FMN1: variants seen among roughly 807,000 people sequenced by gnomAD.
The protein encoded by FMN1 is formin 1, also known as formin-1.
Under a neutral mutation model 132.4 loss-of-function variants are expected in FMN1, and 110 were observed. The observed-to-expected ratio is 0.83, with a 90% CI of 0.71 to 0.97. FMN1 has a LOEUF of 0.97. FMN1 is among the 50% of genes least tolerant of loss of function. FMN1 has a pLI of 0.00. For synonymous variants in FMN1, 722 were observed against 651.7 expected (o/e 1.11, Z -1.64); for missense variants, 1,792 against 1,705.3 (o/e 1.05, Z -0.90).
Position 32,879,732 on chromosome 15 carries a change from A to T in FMN1, c.3835+8440T>A, listed in dbSNP as rs74217486. ...GGCAAAGTGCATGGTTTATCATGTG[A>T]TAAGAGGCAGAATTAACTTTAAACT... On this transcript the variant is annotated intron_variant, in intron 16 of 20. Transcript: ENST00000616417. Among the ~76,000 whole-genome samples, 153 of 152,196 alleles carry T rather than the reference A, an allele frequency of 1.0e-3. 2 individuals carry two copies. In the East Asian group the frequency reaches 0.028, roughly 28 times the overall value.
At chr15:32,982,273 C>T (rs966864446) in intron 7 of FMN1, among the ~76,000 whole-genome samples, 1 of 152,116 alleles carries the variant, frequency 6.6e-6, no homozygotes, top group Admixed American at 6.5e-5. Context: ...ATACCAAATG[C>T]TAGTGAGAAT....
intron 3 of FMN1, among the ~76,000 whole-genome samples, chr15:33,176,964 C>T (rs774865845): frequency 1.3e-5 from 2 of 152,226 alleles, no homozygotes; most frequent in African/African-American, 4.8e-5. Flanking sequence ...GATGAAGGAA[C>T]AGTCTATGCC....
intron 19 of FMN1, among the ~76,000 whole-genome samples, chr15:32,793,889 T>C (rs1433527051): frequency 1.3e-5 from 2 of 152,204 alleles, no homozygotes; most frequent in Non-Finnish European, 1.5e-5. Flanking sequence ...ATTTTATTTA[T>C]GGAGCTTTTT....
chr15:33,025,752 A>AGGCTC (rs2035634990), intron 6 of FMN1, among the ~76,000 whole-genome samples: 1 of 152,228 alleles, frequency 6.6e-6, no homozygotes, highest in African/African-American at 2.4e-5. Context: ...ATACAGAATG[A>AGGCTC]CACAGATAAG....
intron 9 of FMN1, among the ~76,000 whole-genome samples, chr15:32,949,972 T>C (rs866545123): frequency 1.6e-4 from 7 of 43,238 alleles, no homozygotes; most frequent in South Asian, 1.3e-3. Context: ...TATACACACA[T>C]ATATATACAC....
intron 4 of FMN1, among the ~76,000 whole-genome samples, chr15:33,090,771 A>C (rs1019575746): frequency 5.3e-5 from 8 of 152,154 alleles, no homozygotes; most frequent in African/African-American, 1.9e-4. Flanking sequence ...CTAATGCCTA[A>C]AGGAACCTCA....
chr15:33,118,838 C>T (rs1220063505), intron 4 of FMN1, among the ~76,000 whole-genome samples: 2 of 151,242 alleles, frequency 1.3e-5, no homozygotes, highest in Non-Finnish European at 2.9e-5. Flanking sequence ...CAAACAATTT[C>T]TAGTCACATT....
intron 4 of FMN1, among the ~76,000 whole-genome samples, chr15:33,147,755 T>G (rs1289731173): frequency 6.6e-6 from 1 of 152,200 alleles, no homozygotes; most frequent in East Asian, 1.9e-4. Context: ...GACCTTAAAA[T>G]ACAAATTGTT....
chr15:32,839,488 C>T (rs974644055), intron 17 of FMN1, among the ~76,000 whole-genome samples: 5 of 152,048 alleles, frequency 3.3e-5, no homozygotes, highest in African/African-American at 9.7e-5. Flanking sequence ...CTGAAGCCCC[C>T]GGATTCCACA....
intron 4 of FMN1, among the ~76,000 whole-genome samples, chr15:33,110,860 A>T (rs2039675610): frequency 6.6e-6 from 1 of 152,090 alleles, no homozygotes; most frequent in Non-Finnish European, 1.5e-5. Flanking sequence ...CATTAAAACA[A>T]TTTTTAATGT....
chr15:32,921,252 G>A (rs752449932), intron 10 of FMN1, among the ~76,000 whole-genome samples: 49 of 152,272 alleles, frequency 3.2e-4, no homozygotes, highest in African/African-American at 9.6e-4. Context: ...GTGGAAAAGC[G>A]TTTCAAACAG....
rs2056350294 is a variant in FMN1 at position 32,774,432 on chromosome 15, T to C, written c.4216-78A>G. ...TTGATACATTTCTCAAATTTTGGTC[T>C]AGAATGCTGAGTTTCCGGAATTGTG... On this transcript the variant is annotated intron_variant, in intron 20 of 20. Transcript: ENST00000616417. 4 of 1,257,678 alleles carry C rather than the reference T, an allele frequency of 3.2e-6. No individual in the cohort carries two copies. In the African/African-American group the frequency reaches 6.0e-5, roughly 19 times the overall value. The allele number at this position is 1,257,678 out of a possible 1,614,324, so 77.9% of individuals were successfully genotyped here.
chr15:33,110,203 G>A (rs345768), intron 4 of FMN1, among the ~76,000 whole-genome samples: 57,786 of 151,714 alleles, frequency 0.38, 12,448 homozygotes, highest in East Asian at 0.69. Context: ...CAGATTATTA[G>A]GACACTAAAA....
rs563388220 is a variant in FMN1, at chr15:32,904,715, G to A, written c.3378-2675C>T. ...ACAAAATAATAAAGAAGCAAATTTG[G>A]AGGAAAAAAATAGAGTTTTATGACC... On this transcript the variant is annotated intron_variant, in intron 12 of 20. Coordinates refer to ENST00000616417, the MANE Select transcript of FMN1 (RefSeq NM_001277313.2). Among the ~76,000 whole-genome samples, 24 of 152,216 alleles carry A rather than the reference G, an allele frequency of 1.6e-4. 1 individual carries two copies. In the East Asian group the frequency reaches 2.3e-3, roughly 15 times the overall value.
intron 4 of FMN1, chr15:33,151,411 T>C (rs1964433598): frequency 6.5e-7 from 1 of 1,535,116 alleles, no homozygotes; most frequent in South Asian, 1.2e-5. Context: ...TGTTGAGTGA[T>C]TGCACGGAGA....
chr15:32,937,561 C>T (rs536146643), intron 9 of FMN1, among the ~76,000 whole-genome samples: 10 of 152,312 alleles, frequency 6.6e-5, no homozygotes, highest in Non-Finnish European at 1.3e-4. Flanking sequence ...CATTACCTCC[C>T]CCTTTCCCAC....
intron 7 of FMN1, among the ~76,000 whole-genome samples, chr15:32,994,172 G>A (rs779382981): frequency 8.0e-5 from 12 of 150,714 alleles, no homozygotes; most frequent in Non-Finnish European, 1.6e-4. Context: ...GAATATATCC[G>A]AGTATGTTAC....
At chr15:32,978,169 A>G (rs2928021) in intron 7 of FMN1, among the ~76,000 whole-genome samples, 77,933 of 151,970 alleles carry the variant, frequency 0.51, 21,840 homozygotes, top group East Asian at 0.77. Flanking sequence ...ATTAATTTTG[A>G]AAGGTGATAG....
At chr15:32,867,786 C>A (rs768765060) in intron 16 of FMN1, among the ~76,000 whole-genome samples, 1 of 152,216 alleles carries the variant, frequency 6.6e-6, no homozygotes, top group African/African-American at 2.4e-5. Flanking sequence ...CCACCGCGCC[C>A]GGCCATCAGG....
Sources: allele counts gnomAD v4.1 joint callset (sites outside exome capture counted in the v4.1 genomes callset), GRCh38; gene constraint gnomAD v4.1.1; transcripts MANE v1.5; gene names NCBI Gene and HGNC (gene_info 2026-07-23, HGNC 2026-07-21).